NHS: variants seen among roughly 807,000 people sequenced by gnomAD.
The protein encoded by NHS is NHS actin remodeling regulator, also known as actin remodeling regulator NHS.
In NHS, 5 loss-of-function variants were observed where a neutral mutation model predicts 72.5. The ratio of observed to expected loss-of-function variants is 0.07; its 90% CI spans 0.04 to 0.14. The LOEUF (loss-of-function observed/expected upper bound fraction) is 0.14, where lower values mean the gene tolerates loss of function less well. NHS is among the 10% of genes least tolerant of loss of function. The probability of loss-of-function intolerance (pLI) is 1.00; values close to 1 mark genes in which losing one functional copy is unlikely to be tolerated. For missense variants in NHS, 1,072 were observed against 1,355.7 expected (o/e 0.79, Z 3.29); for synonymous variants, 464 against 547.7 (o/e 0.85, Z 2.13).
rs192107461 is a variant in NHS at position 17,442,814 on chromosome X, C to T, written c.565+66492C>T. On this transcript the variant is annotated intron_variant, in intron 1 of 8. Transcript: ENST00000676302. ...TGAAAATCACTAGCCTGGTGCTAAG[C>T]ACATAAAAACAGAGTAGTTATTCCC... Among the ~76,000 whole-genome samples, 164 of 112,392 alleles carry T rather than the reference C, an allele frequency of 1.5e-3. 1 individual carries two copies. Among genetic ancestry groups the T allele is most frequent in the African/African-American group, 4.8e-3 (150 of 30,973 alleles).
intron 1 of NHS, among the ~76,000 whole-genome samples, chrX:17,379,402 A>G (rs1173282869): frequency 9.0e-6 from 1 of 110,758 alleles, no homozygotes. Context: ...AACTGATTTG[A>G]TTGGGTACAG....
At chrX:17,668,088 T>TAA (rs3077323) in intron 1 of NHS, among the ~76,000 whole-genome samples, 12 of 63,617 alleles carry the variant, frequency 1.9e-4, no homozygotes, top group Non-Finnish European at 2.5e-4. Flanking sequence ...CCCATCTCTC[T>TAA]AAAAAAAAAA....
intron 1 of NHS, among the ~76,000 whole-genome samples, chrX:17,377,018 G>C (rs1170490256): frequency 1.8e-5 from 2 of 112,543 alleles, no homozygotes; most frequent in Non-Finnish European, 3.8e-5. Context: ...GGGCCCCGGG[G>C]AGATGGAGGA....
chrX:17,638,687 A>G (rs1014182473), intron 1 of NHS, among the ~76,000 whole-genome samples: 1 of 112,348 alleles, frequency 8.9e-6, no homozygotes, highest in Non-Finnish European at 1.9e-5. Flanking sequence ...TGCTTGTTGT[A>G]TTCTTTAAAC....
intron 1 of NHS, among the ~76,000 whole-genome samples, chrX:17,509,366 A>T (rs942228394): frequency 3.6e-5 from 4 of 110,134 alleles, no homozygotes; most frequent in African/African-American, 9.9e-5. Flanking sequence ...AGCTGGGACT[A>T]CAGGCACCCG....
intron 1 of NHS, among the ~76,000 whole-genome samples, chrX:17,401,585 G>A (rs1229291747): frequency 8.9e-6 from 1 of 111,930 alleles, no homozygotes; most frequent in African/African-American, 3.3e-5. Context: ...CAGGAGGCTG[G>A]AAGTCCAAAA....
At chrX:17,686,595 T>C (rs1405697418) in intron 1 of NHS, among the ~76,000 whole-genome samples, 1 of 112,382 alleles carries the variant, frequency 8.9e-6, no homozygotes. Flanking sequence ...TTCTCCCAGC[T>C]GTCATGAGCA....
intron 1 of NHS, among the ~76,000 whole-genome samples, chrX:17,624,826 T>G (rs2065790037): frequency 8.9e-6 from 1 of 112,162 alleles, no homozygotes. Flanking sequence ...TAGCAACAAG[T>G]GGACTTAGAG....
chrX:17,462,376 G>C (rs898366512), intron 1 of NHS, among the ~76,000 whole-genome samples: 8 of 111,313 alleles, frequency 7.2e-5, no homozygotes, highest in Non-Finnish European at 1.5e-4. Context: ...GTGGCCCCAG[G>C]ATTCTTTTCC....
chrX:17,419,196 C>A (rs192507183), intron 1 of NHS, among the ~76,000 whole-genome samples: 38 of 112,754 alleles, frequency 3.4e-4, no homozygotes, highest in African/African-American at 1.2e-3. Context: ...GGACATGGTA[C>A]TGCTTACGGG....
At chrX:17,449,593 T>G (rs1450973110) in intron 1 of NHS, among the ~76,000 whole-genome samples, 1 of 112,088 alleles carries the variant, frequency 8.9e-6, no homozygotes, top group Non-Finnish European at 1.9e-5. Context: ...AAGTGATATC[T>G]CAATTAAAAA....
intron 1 of NHS, among the ~76,000 whole-genome samples, chrX:17,464,613 A>G (rs1268933574): frequency 1.8e-5 from 2 of 112,677 alleles, no homozygotes; most frequent in Admixed American, 9.3e-5. Flanking sequence ...GAAAATGAAG[A>G]TAAGGGGAGA....
intron 1 of NHS, among the ~76,000 whole-genome samples, chrX:17,637,564 C>A (rs925698783): frequency 8.9e-6 from 1 of 112,010 alleles, no homozygotes; most frequent in Non-Finnish European, 1.9e-5. Flanking sequence ...ATCAAAGATG[C>A]CTTCAAGTAG....
At chrX:17,470,278 A>T (rs1270665139) in intron 1 of NHS, among the ~76,000 whole-genome samples, 1 of 110,282 alleles carries the variant, frequency 9.1e-6, no homozygotes, top group East Asian at 2.9e-4. Flanking sequence ...TAATTATCCA[A>T]ACCAGAGTAC....
chrX:17,441,182 G>T (rs1473679670), intron 1 of NHS, among the ~76,000 whole-genome samples: 5 of 112,466 alleles, frequency 4.4e-5, no homozygotes, highest in African/African-American at 1.6e-4. Context: ...GAGCTCCCGA[G>T]TCCTCAGCCT....
intron 1 of NHS, among the ~76,000 whole-genome samples, chrX:17,614,860 G>T (rs1229078623): frequency 9.1e-6 from 1 of 109,708 alleles, no homozygotes; most frequent in African/African-American, 3.3e-5. Flanking sequence ...TTCTTCCAAA[G>T]AGTTTGCAGT....
chrX:17,555,978 A>C (rs1347953948), intron 1 of NHS, among the ~76,000 whole-genome samples: 1 of 112,590 alleles, frequency 8.9e-6, no homozygotes, highest in Non-Finnish European at 1.9e-5. Context: ...TGTAAAGAAA[A>C]CAGAGATTAG....
At position 17,665,801 on chromosome X, in the gene NHS, T is replaced by C. The variant is rs58134508; in HGVS notation, c.566-21941T>C. 8.0e-5 allele frequency among the ~76,000 whole-genome samples: 9 copies of C among 112,568 alleles called. No homozygotes were observed. The East Asian group carries it at 2.5e-3, about 31-fold the overall frequency. Reference sequence around the variant, plus strand: ...AAGCCATCTGGGTCTGGAATTTTCCTTGTGGTTTTTATTAAGAATTCCATT... The same window carrying C: ...AAGCCATCTGGGTCTGGAATTTTCCCTGTGGTTTTTATTAAGAATTCCATT... On this transcript the variant is annotated intron_variant, in intron 1 of 8. Coordinates refer to ENST00000676302, the MANE Select transcript of NHS (RefSeq NM_001291867.2).
At chrX:17,610,784 C>G (rs2065707198) in intron 1 of NHS, among the ~76,000 whole-genome samples, 1 of 112,134 alleles carries the variant, frequency 8.9e-6, no homozygotes, top group African/African-American at 3.2e-5. Context: ...GCTTTTATTC[C>G]CCCTTGTCTG....
Sources: gnomAD v4.1 joint callset for allele counts (sites outside exome capture counted in the v4.1 genomes callset) on GRCh38, gnomAD v4.1.1 for gene constraint, MANE v1.5 for transcripts, NCBI Gene and HGNC (gene_info 2026-07-23, HGNC 2026-07-21) for gene names.